FNIP2: variants seen among roughly 807,000 people sequenced by gnomAD.
The protein encoded by FNIP2 is folliculin interacting protein 2.
In FNIP2, 32 loss-of-function variants were observed where a neutral mutation model predicts 108.7. The ratio of observed to expected loss-of-function variants is 0.29; its 90% confidence interval spans 0.22 to 0.40. The LOEUF (loss-of-function observed/expected upper bound fraction) is 0.40, where lower values mean the gene tolerates loss of function less well. Ranked by LOEUF, FNIP2 falls within the 10% of genes least tolerant of loss-of-function variation. The pLI, the probability that FNIP2 is intolerant of heterozygous loss-of-function variation, is 1.00. For missense variants in FNIP2, 1,202 were observed against 1,381.6 expected (o/e 0.87, Z 2.06); for synonymous variants, 480 against 496.7 (o/e 0.97, Z 0.45).
chr4:158,772,199 A>G (rs887286134), intron 1 of FNIP2, among the ~76,000 whole-genome samples: 1 of 152,244 alleles, frequency 6.6e-6, no homozygotes, highest in Non-Finnish European at 1.5e-5. Context: ...TATGGCATTT[A>G]CATTTGAATA....
At chr4:158,882,561 G>A (rs1044776033) in intron 14 of FNIP2, among the ~76,000 whole-genome samples, 39 of 152,262 alleles carry the variant, frequency 2.6e-4, no homozygotes, top group African/African-American at 8.9e-4. Context: ...TAGAAAAGGG[G>A]GAAATGCGGA....
intron 15 of FNIP2, among the ~76,000 whole-genome samples, chr4:158,893,905 T>G (rs1782458537): frequency 6.6e-6 from 1 of 152,230 alleles, no homozygotes; most frequent in African/African-American, 2.4e-5. Context: ...CTTACTAGTG[T>G]GAATGACTTA....
chr4:158,778,767 C>T (rs1022833119), intron 1 of FNIP2, among the ~76,000 whole-genome samples: 2 of 152,202 alleles, frequency 1.3e-5, no homozygotes, highest in African/African-American at 4.8e-5. Flanking sequence ...TGAAAGGTAT[C>T]GCCTGTGGAT....
At chr4:158,882,356 A>G (rs1781713607) in intron 14 of FNIP2, among the ~76,000 whole-genome samples, 1 of 149,990 alleles carries the variant, frequency 6.7e-6, no homozygotes, top group Non-Finnish European at 1.5e-5. Flanking sequence ...CCGTCCGGCC[A>G]GCCGCCCCGT....
chr4:158,836,169 C>T (rs774053492), intron 7 of FNIP2: 1 of 152,214 alleles, frequency 6.6e-6, no homozygotes, highest in Non-Finnish European at 1.5e-5. Context: ...GCTGGTTTCT[C>T]CTGTGATACA....
At chr4:158,826,485 A>G (rs1363988556) in intron 2 of FNIP2, among the ~76,000 whole-genome samples, 1 of 152,268 alleles carries the variant, frequency 6.6e-6, no homozygotes, top group Non-Finnish European at 1.5e-5. Flanking sequence ...AAAATTAAAC[A>G]GCTTTGCTTA....
intron 14 of FNIP2, among the ~76,000 whole-genome samples, chr4:158,885,464 T>C (rs1174973059): frequency 6.6e-6 from 1 of 152,132 alleles, no homozygotes; most frequent in Non-Finnish European, 1.5e-5. Flanking sequence ...GAAATGATCA[T>C]GTGGTATTTT....
intron 1 of FNIP2, among the ~76,000 whole-genome samples, chr4:158,814,589 A>T (rs947871626): frequency 1.3e-5 from 2 of 152,252 alleles, no homozygotes; most frequent in Non-Finnish European, 2.9e-5. Flanking sequence ...ATGGGAATCC[A>T]TCTGATACAC....
At chr4:158,881,407 GGTCTCCCTCTCCCTCTCTTTCC>G (rs1781606502) in intron 14 of FNIP2, among the ~76,000 whole-genome samples, 1 of 6,238 alleles carries the variant, frequency 1.6e-4, no homozygotes, top group African/African-American at 5.6e-4. Context: ...CTCTTTCCAC[GGTCTCCCTCTCCCTCTCTTTCC>G]ACGGTCTCCC....
rs368410146 is a variant in FNIP2, at chr4:158,825,907, A to C, written c.108-9A>C. ...TAACATAACTTCTTTTGCCCTTTTT[A>C]ATCCACAGTTGGTCATGTTCGGAGT... On this transcript the variant is annotated splice_polypyrimidine_tract_variant and intron_variant, in intron 1 of 16. Coordinates refer to ENST00000264433, the MANE Select transcript of FNIP2 (RefSeq NM_020840.3). 1.7e-4 allele frequency: 273 copies of C among 1,602,992 alleles called. No individual in the cohort carries two copies. The highest frequency in any genetic ancestry group is 2.2e-4 in the Non-Finnish European group (263 of 1,171,640).
At chr4:158,828,936 A>G in intron 2 of FNIP2, 143 bp from the exon 3 acceptor site, 2 of 646,238 alleles carry the variant, frequency 3.1e-6, no homozygotes, top group Non-Finnish European at 5.0e-6. Flanking sequence ...TGTTTTTGTC[A>G]TTATTGGGGA....
In FNIP2 at chr4:158,861,593, T is replaced by G. The variant is rs370074197; in HGVS notation, c.1296-14T>G. 8.7e-6 allele frequency: 14 copies of G among 1,614,018 alleles called. No homozygotes were observed. The African/African-American group carries it at 1.6e-4, about 18-fold the overall frequency. On this transcript the variant is annotated splice_polypyrimidine_tract_variant and intron_variant, in intron 11 of 16. Transcript: ENST00000264433. The stretch of plus-strand genomic sequence containing the variant: ...ATTGACTAAGTTGGTTGTATCTTTT[T>G]CCATTTCTCCAAGGTTTTTTGCTGC...
chr4:158,887,736 C>CA (rs10645281), intron 14 of FNIP2, among the ~76,000 whole-genome samples: 1,063 of 78,756 alleles, frequency 0.013, 37 homozygotes, highest in African/African-American at 0.026. Flanking sequence ...GACTCTGTCT[C>CA]AAAAAAAAAA....
chr4:158,881,160 C>T (rs906188731), intron 14 of FNIP2, among the ~76,000 whole-genome samples: 9 of 152,072 alleles, frequency 5.9e-5, no homozygotes, highest in African/African-American at 2.2e-4. Context: ...CAAATGAAGC[C>T]AAAGACTCTC....
At chr4:158,872,119 A>G in intron 14 of FNIP2, 1 of 985,350 alleles carries the variant, frequency 1.0e-6, no homozygotes. Context: ...CCAAGAGACT[A>G]CAGGGGAACT....
chr4:158,812,719 C>T (rs933958985), intron 1 of FNIP2, among the ~76,000 whole-genome samples: 1 of 152,006 alleles, frequency 6.6e-6, no homozygotes, highest in East Asian at 1.9e-4. Context: ...TTTGTTACCA[C>T]TGAGGAATCT....
At chr4:158,828,945 G>GAA (rs919329023) in intron 2 of FNIP2, 134 bp from the exon 3 acceptor site, 12 of 628,066 alleles carry the variant, frequency 1.9e-5, no homozygotes, top group Admixed American at 3.8e-5. Context: ...CATTATTGGG[G>GAA]AAAAAAAAAA....
At chr4:158,770,182 C>CT (rs1470131571) in intron 1 of FNIP2, among the ~76,000 whole-genome samples, 1 of 32,518 alleles carries the variant, frequency 3.1e-5, no homozygotes, top group Non-Finnish European at 8.1e-5. Flanking sequence ...AGCAGTTTGA[C>CT]CACAGATTCC....
At chr4:158,813,162 AT>A (rs571815057) in intron 1 of FNIP2, among the ~76,000 whole-genome samples, 250 of 152,298 alleles carry the variant, frequency 1.6e-3, no homozygotes, top group African/African-American at 5.6e-3. Context: ...GCAATTATGA[AT>A]AAAGCTCCTA....
Sources: allele counts gnomAD v4.1 joint callset (sites outside exome capture counted in the v4.1 genomes callset), GRCh38; gene constraint gnomAD v4.1.1; transcripts MANE v1.5; gene names NCBI Gene and HGNC (gene_info 2026-07-23, HGNC 2026-07-21).